Variants in TMEM116 observed in about 807,000 individuals in gnomAD.
TMEM116 encodes the protein transmembrane protein 116.
TMEM116 carries 38 observed loss-of-function variants against 44.3 expected under a neutral mutation model. That is an observed-to-expected ratio of 0.86 (90% CI 0.66 to 1.12). TMEM116 has a LOEUF of 1.12. Ranked by LOEUF, TMEM116 falls within the 50% of genes most tolerant of loss-of-function variation. TMEM116 has a pLI of 0.00. For synonymous variants in TMEM116, 132 were observed against 144.8 expected, an observed-to-expected ratio of 0.91 and a Z score of 0.64; for missense variants, 354 against 401.7, an observed-to-expected ratio of 0.88 and a Z score of 1.01.
Position 111,931,829 on chromosome 12 carries a change from T to C in TMEM116, c.808-2A>G, listed in dbSNP as rs752793799. On this transcript the variant is annotated splice_acceptor_variant, in intron 10 of 10. Transcript: ENST00000552374. LOFTEE classifies it high-confidence loss of function. ...ACCCTGAGATGTTGCCGTTAGAGCC[T>C]GGAGGAGATGAAGGGGTGATGCAGC... is the stretch of plus-strand genomic sequence containing the variant. 11 of 1,503,648 alleles carry C rather than the reference T, an allele frequency of 7.3e-6. No individual in the cohort carries two copies. The highest frequency in any genetic ancestry group is 9.7e-6 in the Non-Finnish European group (11 of 1,129,890). 93.1% of individuals were successfully genotyped at this position (1,503,648 alleles called of 1,614,324 possible).
intron 4 of TMEM116, among the ~76,000 whole-genome samples, chr12:111,982,875 CT>C (rs1269907493): frequency 6.6e-6 from 1 of 152,154 alleles, no homozygotes; most frequent in Non-Finnish European, 1.5e-5. Flanking sequence ...AAAGGTTTTT[CT>C]TTGTTTGTTT....
intron 2 of TMEM116, among the ~76,000 whole-genome samples, chr12:112,004,745 G>A (rs1345115518): frequency 6.6e-6 from 1 of 151,928 alleles, no homozygotes; most frequent in East Asian, 1.9e-4. Context: ...CTCCTGAGTA[G>A]CTGGAACTAC....
intron 5 of TMEM116, among the ~76,000 whole-genome samples, chr12:111,941,653 A>G (rs138950774): frequency 6.6e-6 from 1 of 152,272 alleles, no homozygotes; most frequent in Non-Finnish European, 1.5e-5. Flanking sequence ...TTATATAGAC[A>G]ATGATATCTT....
At chr12:111,932,126 C>T (rs933075290) in intron 10 of TMEM116, among the ~76,000 whole-genome samples, 40 of 151,888 alleles carry the variant, frequency 2.6e-4, no homozygotes, top group Non-Finnish European at 5.0e-4. Flanking sequence ...ACTGTCTCAT[C>T]GGAATAGTCA....
intron 3 of TMEM116, among the ~76,000 whole-genome samples, chr12:111,994,460 C>G (rs968109881): frequency 6.6e-6 from 1 of 152,098 alleles, no homozygotes; most frequent in Non-Finnish European, 1.5e-5. Context: ...GCCTTCTGGT[C>G]CTGTGATGCC....
chr12:111,989,670 A>G (rs1460014501), intron 4 of TMEM116, among the ~76,000 whole-genome samples: 1 of 152,254 alleles, frequency 6.6e-6, no homozygotes, highest in African/African-American at 2.4e-5. Flanking sequence ...AAGAACAGGA[A>G]AATGTGACCC....
At chr12:111,969,406 A>AT (rs953610788) in intron 4 of TMEM116, among the ~76,000 whole-genome samples, 106 of 143,890 alleles carry the variant, frequency 7.4e-4, no homozygotes, top group South Asian at 2.0e-3. Context: ...TTGTTTATTT[A>AT]TTTTTTTTTT....
At chr12:111,994,655 T>C (rs1049062051) in intron 3 of TMEM116, among the ~76,000 whole-genome samples, 21 of 152,238 alleles carry the variant, frequency 1.4e-4, no homozygotes, top group East Asian at 7.7e-4. Flanking sequence ...CAACATAGTG[T>C]GTGTGTCAGC....
chr12:111,935,495 A>G (rs889417897), intron 8 of TMEM116: 1 of 152,178 alleles, frequency 6.6e-6, no homozygotes, highest in Admixed American at 6.6e-5. Flanking sequence ...TCAGGGTGCC[A>G]GGATTTGGGA....
In TMEM116 at chr12:112,013,116, G is replaced by T; in HGVS notation, c.-148C>A. 3.7e-6 allele frequency: 1 copy of T among 271,162 alleles called. No individual in the cohort carries two copies. The highest frequency in any genetic ancestry group is 7.0e-6 in the Non-Finnish European group (1 of 142,208). 16.8% of individuals were successfully genotyped at this position (271,162 alleles called of 1,614,324 possible). A position where few individuals can be genotyped will look rare whatever the true frequency, so the allele number is the denominator to read the frequency against. Reference sequence around the variant, plus strand: ...AGGACAGCAAACGAATTGCTATAGCGTCCCCATGCGCACTTGGCGCTTCTC... The same window carrying T: ...AGGACAGCAAACGAATTGCTATAGCTTCCCCATGCGCACTTGGCGCTTCTC... On this transcript the variant is annotated 5_prime_UTR_variant, in exon 1 of 11. Coordinates refer to ENST00000552374, the MANE Select transcript of TMEM116 (RefSeq NM_001193531.2).
chr12:111,993,877 C>G (rs2076769924), intron 3 of TMEM116: 1 of 743,124 alleles, frequency 1.3e-6, no homozygotes, highest in Non-Finnish European at 2.5e-6. Flanking sequence ...CAGTGCTTCT[C>G]AAGTCCTCCA....
At chr12:111,956,483 C>A (rs1259937354) in intron 4 of TMEM116, among the ~76,000 whole-genome samples, 1 of 152,112 alleles carries the variant, frequency 6.6e-6, no homozygotes, top group East Asian at 1.9e-4. Flanking sequence ...GCATCAACAT[C>A]AAAAAATAGG....
At chr12:111,992,646 ATAAAAAGTCAGGG>A (rs1290039365) in intron 3 of TMEM116, among the ~76,000 whole-genome samples, 11 of 152,308 alleles carry the variant, frequency 7.2e-5, no homozygotes, top group African/African-American at 2.2e-4. Context: ...GTTTACAGTA[ATAAAAAGTCAGGG>A]TAAAAAGTCA....
At chr12:111,971,857 G>A (rs1186031547) in intron 4 of TMEM116, among the ~76,000 whole-genome samples, 1 of 152,000 alleles carries the variant, frequency 6.6e-6, no homozygotes, top group Non-Finnish European at 1.5e-5. Context: ...TGTAAGGATT[G>A]CTTGAGGCCA....
rs190405398 is a variant in TMEM116 at position 111,949,867 on chromosome 12, C to A, written c.211-6498G>T. Reference sequence around the variant, plus strand: ...TGATGGCTCATGCCTGTAATCCCAGCACTTTGGAAGACCGAGGCGGGTGGA... The same window carrying A: ...TGATGGCTCATGCCTGTAATCCCAGAACTTTGGAAGACCGAGGCGGGTGGA... On this transcript the variant is annotated intron_variant, in intron 4 of 10. Coordinates refer to ENST00000552374, the MANE Select transcript of TMEM116 (RefSeq NM_001193531.2). Among the ~76,000 whole-genome samples, 11 of 152,286 alleles carry A rather than the reference C, an allele frequency of 7.2e-5. No individual in the cohort carries two copies. The East Asian group carries it at 1.5e-3, about 21-fold the overall frequency.
chr12:111,952,537 T>G (rs2073809324), intron 4 of TMEM116, among the ~76,000 whole-genome samples: 1 of 152,162 alleles, frequency 6.6e-6, no homozygotes, highest in Non-Finnish European at 1.5e-5. Flanking sequence ...TTCCTGGGTG[T>G]GTCTGTGAGG....
intron 4 of TMEM116, among the ~76,000 whole-genome samples, chr12:111,989,599 G>C (rs1380325429): frequency 1.3e-5 from 2 of 152,176 alleles, no homozygotes; most frequent in African/African-American, 4.8e-5. Context: ...AAAGGACCCA[G>C]AGTCTATGCA....
chr12:111,976,460 A>G (rs1410162482), intron 4 of TMEM116, among the ~76,000 whole-genome samples: 1 of 152,180 alleles, frequency 6.6e-6, no homozygotes, highest in Non-Finnish European at 1.5e-5. Flanking sequence ...AGCCTGGGCA[A>G]CAAGAGCAAA....
At chr12:112,001,597 C>G (rs530342594) in intron 3 of TMEM116, among the ~76,000 whole-genome samples, 139 of 152,314 alleles carry the variant, frequency 9.1e-4, no homozygotes, top group African/African-American at 3.3e-3. Flanking sequence ...AAATAATTAT[C>G]TAGCCCCAAA....
Sources: gnomAD v4.1 joint callset for allele counts (sites outside exome capture counted in the v4.1 genomes callset) on GRCh38, gnomAD v4.1.1 for gene constraint, MANE v1.5 for transcripts, NCBI Gene and HGNC (gene_info 2026-07-23, HGNC 2026-07-21) for gene names.